The following PPP2R2B variants were observed in gnomAD, a reference collection of about 807,000 sequenced individuals.
PPP2R2B encodes serine/threonine-protein phosphatase 2A 55 kDa regulatory subunit B beta isoform.
PPP2R2B carries 5 observed loss-of-function variants against 46.0 expected under a neutral mutation model. The observed-to-expected ratio is 0.11, with a 90% CI of 0.06 to 0.23. The LOEUF is 0.23. PPP2R2B is among the 10% of genes least tolerant of loss of function. PPP2R2B has a pLI of 1.00. For missense variants in PPP2R2B, 367 were observed against 575.0 expected (o/e 0.64, Z 3.70); for synonymous variants, 215 against 206.7 (o/e 1.04, Z -0.34).
At chr5:146,925,316 T>A (rs1238608510) in intron 1 of PPP2R2B, among the ~76,000 whole-genome samples, 3 of 152,226 alleles carry the variant, frequency 2.0e-5, no homozygotes, top group Non-Finnish European at 4.4e-5. Context: ...GTACATCTTT[T>A]AAAACAGGGC....
chr5:146,849,483 G>A (rs566702239), intron 2 of PPP2R2B, among the ~76,000 whole-genome samples: 1 of 152,198 alleles, frequency 6.6e-6, no homozygotes, highest in Admixed American at 6.5e-5. Flanking sequence ...CAAGTATAGT[G>A]CTTGGCACAT....
intron 2 of PPP2R2B, among the ~76,000 whole-genome samples, chr5:146,714,017 G>A (rs114701880): frequency 0.013 from 1,903 of 152,120 alleles, 45 homozygotes; most frequent in African/African-American, 0.044. Flanking sequence ...GGGAGTGAGT[G>A]CATTAAAATA....
intron 2 of PPP2R2B, among the ~76,000 whole-genome samples, chr5:146,746,849 G>A (rs1377401759): frequency 6.6e-6 from 1 of 152,106 alleles, no homozygotes; most frequent in African/African-American, 2.4e-5. Context: ...AGTGCTGTAG[G>A]GATATTTAAA....
At chr5:146,976,262 C>T (rs370219586) in intron 1 of PPP2R2B, among the ~76,000 whole-genome samples, 16 of 151,870 alleles carry the variant, frequency 1.1e-4, no homozygotes, top group African/African-American at 2.9e-4. Context: ...GTCAGCCTCC[C>T]GGGTAGCTGG....
intron 2 of PPP2R2B, among the ~76,000 whole-genome samples, chr5:146,803,983 C>G (rs1047537021): frequency 4.6e-5 from 7 of 151,892 alleles, no homozygotes; most frequent in Non-Finnish European, 1.0e-4. Flanking sequence ...CTGGCTAATA[C>G]GGTGAAACCC....
intron 2 of PPP2R2B, among the ~76,000 whole-genome samples, chr5:146,766,562 G>A (rs945214678): frequency 6.6e-6 from 1 of 152,176 alleles, no homozygotes; most frequent in African/African-American, 2.4e-5. Flanking sequence ...CTAGTGTTGT[G>A]CTCAGTACTT....
intron 2 of PPP2R2B, among the ~76,000 whole-genome samples, chr5:146,843,119 G>A (rs112581066): frequency 0.14 from 22,009 of 152,246 alleles, 1,938 homozygotes; most frequent in East Asian, 0.36. Flanking sequence ...CCTGGGAGGC[G>A]GAGGTTGCGG....
chr5:146,829,610 G>C (rs1048756521), intron 2 of PPP2R2B, among the ~76,000 whole-genome samples: 1 of 152,090 alleles, frequency 6.6e-6, no homozygotes, highest in African/African-American at 2.4e-5. Context: ...TACCTGCAGT[G>C]GCCTATTTCA....
intron 1 of PPP2R2B, among the ~76,000 whole-genome samples, chr5:146,947,490 T>C (rs1764519959): frequency 1.3e-5 from 2 of 152,026 alleles, no homozygotes; most frequent in South Asian, 4.1e-4. Context: ...GCTTGGTGCT[T>C]TGTGTAATGA....
At chr5:146,956,234 A>AT (rs1751900941) in intron 1 of PPP2R2B, among the ~76,000 whole-genome samples, 1 of 100,288 alleles carries the variant, frequency 1.0e-5, no homozygotes, top group African/African-American at 2.9e-5. Context: ...ATTTCCATTC[A>AT]ATTTTTTTCA....
At chr5:146,872,937 CAT>C (rs1215508780) in intron 2 of PPP2R2B, among the ~76,000 whole-genome samples, 5 of 152,188 alleles carry the variant, frequency 3.3e-5, no homozygotes, top group Non-Finnish European at 7.3e-5. Flanking sequence ...CTCATCTATT[CAT>C]ACAGTTTTAA....
Position 146,878,452 on chromosome 5 carries a change from G to A in PPP2R2B, c.-125+139C>T, listed in dbSNP as rs971128903. 2.4e-5 allele frequency: 33 copies of A among 1,368,666 alleles called. No homozygotes were observed. Among genetic ancestry groups the A allele is most frequent in the African/African-American group, 6.0e-5 (4 of 67,180 alleles). 84.8% of individuals were successfully genotyped at this position (1,368,666 alleles called of 1,614,324 possible). Reference sequence around the variant, plus strand: ...AGCGGGTCTGGGGAGATGCCCAACAGGTTCCCCTCCTTGGCAGCCGCTCCA... The same window carrying A: ...AGCGGGTCTGGGGAGATGCCCAACAAGTTCCCCTCCTTGGCAGCCGCTCCA... On this transcript the variant is annotated intron_variant, in intron 1 of 9. Coordinates refer to ENST00000394411, the MANE Select transcript of PPP2R2B (RefSeq NM_181675.4). This position sits in a 1 kb window ranked among gnomAD's most constrained non-coding sequence, Gnocchi z 4.5.
At chr5:147,043,561 G>C (rs570664199) in intron 1 of PPP2R2B, among the ~76,000 whole-genome samples, 2 of 152,036 alleles carry the variant, frequency 1.3e-5, no homozygotes, top group Non-Finnish European at 1.5e-5. Context: ...ACCCAGACTC[G>C]GGCATTTTGA....
intron 1 of PPP2R2B, among the ~76,000 whole-genome samples, chr5:146,983,256 C>T (rs990546504): frequency 7.2e-6 from 1 of 138,010 alleles, no homozygotes; most frequent in African/African-American, 2.6e-5. Context: ...TCTCGGCTCA[C>T]TGCAAGCTCC....
At position 146,951,457 on chromosome 5, in the gene PPP2R2B, A is replaced by C. The variant is rs901609850; in HGVS notation, c.79+104208T>G. Among the ~76,000 whole-genome samples, 28 of 151,884 alleles carry C rather than the reference A, an allele frequency of 1.8e-4. 1 individual carries two copies. Among genetic ancestry groups the C allele is most frequent in the Non-Finnish European group, 7.4e-5 (5 of 67,958 alleles). On this transcript the variant is annotated intron_variant, in intron 1 of 8. Coordinates refer to the PPP2R2B transcript ENST00000336640. ...TGCTGCACCTATCAACCCACCACCTAAGTATTAAGCCCGGTATGCATTAGC... is the reference window on the plus strand; with the variant it reads ...TGCTGCACCTATCAACCCACCACCTCAGTATTAAGCCCGGTATGCATTAGC...
intron 1 of PPP2R2B, among the ~76,000 whole-genome samples, chr5:146,971,313 C>T (rs1184610389): frequency 6.6e-6 from 1 of 152,124 alleles, no homozygotes; most frequent in African/African-American, 2.4e-5. Flanking sequence ...ACTTGTCTAC[C>T]CTTCCAGATG....
chr5:147,008,142 T>C (rs1204211491), intron 1 of PPP2R2B, among the ~76,000 whole-genome samples: 3 of 152,112 alleles, frequency 2.0e-5, no homozygotes, highest in East Asian at 1.9e-4. Context: ...AATATTTGTA[T>C]AAAGAGGAAG....
At chr5:146,988,096 C>T (rs1332954730) in intron 1 of PPP2R2B, among the ~76,000 whole-genome samples, 1 of 151,864 alleles carries the variant, frequency 6.6e-6, no homozygotes, top group Non-Finnish European at 1.5e-5. Flanking sequence ...ATGCACCCAA[C>T]ACTAGAGTAC....
intron 1 of PPP2R2B, among the ~76,000 whole-genome samples, chr5:147,000,529 G>T (rs1019457218): frequency 6.6e-6 from 1 of 151,992 alleles, no homozygotes; most frequent in Non-Finnish European, 1.5e-5. Context: ...GATAATATTA[G>T]GTTGGTGCAA....
Sources: gnomAD v4.1 joint callset for allele counts (sites outside exome capture counted in the v4.1 genomes callset) on GRCh38, gnomAD v4.1.1 for gene constraint, Gnocchi (gnomAD v3.1) non-coding constraint, MANE v1.5 for transcripts, NCBI Gene and HGNC (gene_info 2026-07-23, HGNC 2026-07-21) for gene names.